ZFHX3: variants seen among roughly 807,000 people sequenced by gnomAD.
The protein encoded by ZFHX3 is zinc finger homeobox 3, also known as zinc finger homeobox protein 3.
In ZFHX3, 42 loss-of-function variants were observed where a neutral mutation model predicts 279.1. That is an observed-to-expected ratio of 0.15 (90% CI 0.12 to 0.19). ZFHX3 has a LOEUF of 0.19. Among genes scored for constraint, ZFHX3 ranks in the 10% least tolerant of loss-of-function variants. ZFHX3 has a pLI of 1.00. For missense variants in ZFHX3, 4,981 were observed against 4,754.0 expected (o/e 1.05, Z -1.40); for synonymous variants, 2,293 against 1,957.8 (o/e 1.17, Z -4.52).
At chr16:73,765,737 T>C (rs1477360718) in intron 1 of ZFHX3, among the ~76,000 whole-genome samples, 3 of 152,218 alleles carry the variant, frequency 2.0e-5, no homozygotes, top group Non-Finnish European at 4.4e-5. Flanking sequence ...TAATTTGAGT[T>C]CCACAAAAAA....
chr16:73,407,342 T>C lies in ZFHX3; in HGVS notation c.-1291+48661A>G, dbSNP rs114981582. 4.3e-3 allele frequency among the ~76,000 whole-genome samples: 657 copies of C among 152,128 alleles called. 3 individuals carry two copies. The highest frequency in any genetic ancestry group is 0.014 in the African/African-American group (587 of 41,506). On this transcript the variant is annotated intron_variant, in intron 3 of 17. Transcript: ENST00000641206. ...ATCCAAAACCGATTGCATTGGAAAA[T>C]GAGGGAAGGGCCTGAATGCTGGTTT...
intron 3 of ZFHX3, among the ~76,000 whole-genome samples, chr16:73,364,190 A>G (rs2016488003): frequency 6.6e-6 from 1 of 151,190 alleles, no homozygotes; most frequent in Admixed American, 6.6e-5. Flanking sequence ...AAAAAAAAAG[A>G]ACTTTAAGTA....
At chr16:73,384,933 G>A (rs749841116) in intron 3 of ZFHX3, among the ~76,000 whole-genome samples, 4 of 152,210 alleles carry the variant, frequency 2.6e-5, no homozygotes, top group Non-Finnish European at 5.9e-5. Flanking sequence ...GTTCAGGGGT[G>A]AACACCTGAC....
At chr16:73,323,608 C>G (rs1448184473) in intron 3 of ZFHX3, among the ~76,000 whole-genome samples, 8 of 152,140 alleles carry the variant, frequency 5.3e-5, no homozygotes. Flanking sequence ...GAGTAAATGG[C>G]AAAGTCGACT....
intron 2 of ZFHX3, among the ~76,000 whole-genome samples, chr16:73,517,550 A>C (rs183122931): frequency 1.3e-5 from 2 of 152,214 alleles, no homozygotes; most frequent in South Asian, 2.1e-4. Context: ...GAGAGCATCA[A>C]ATTTATTTGG....
intron 5 of ZFHX3, among the ~76,000 whole-genome samples, chr16:73,242,480 T>C (rs2013152365): frequency 6.6e-6 from 1 of 152,220 alleles, no homozygotes; most frequent in Admixed American, 6.5e-5. Context: ...AGTGTGAGTT[T>C]TTCGTGTCTC....
intron 1 of ZFHX3, among the ~76,000 whole-genome samples, chr16:73,877,912 T>C (rs1490561798): frequency 2.6e-5 from 4 of 152,072 alleles, no homozygotes; most frequent in Admixed American, 2.6e-4. Flanking sequence ...AAAATCCATT[T>C]TGATTCTAAT....
At chr16:73,661,632 G>A (rs189607347) in intron 2 of ZFHX3, among the ~76,000 whole-genome samples, 6 of 149,220 alleles carry the variant, frequency 4.0e-5, no homozygotes, top group Non-Finnish European at 7.4e-5. Flanking sequence ...TGAGGCAGGA[G>A]AATCACTTGA....
chr16:73,236,156 G>A (rs7500682), intron 5 of ZFHX3, among the ~76,000 whole-genome samples: 13,830 of 152,284 alleles, frequency 0.091, 1,021 homozygotes, highest in East Asian at 0.45. Flanking sequence ...CACGGCATAC[G>A]TCAAGGGAGT....
intron 3 of ZFHX3, among the ~76,000 whole-genome samples, chr16:73,435,221 T>C (rs1434860118): frequency 6.6e-6 from 1 of 152,140 alleles, no homozygotes; most frequent in East Asian, 1.9e-4. Flanking sequence ...AATTCATTCT[T>C]TTTTGAGACA....
chr16:73,483,990 A>G (rs2018925145), intron 2 of ZFHX3, among the ~76,000 whole-genome samples: 1 of 148,304 alleles, frequency 6.7e-6, no homozygotes, highest in South Asian at 2.1e-4. Context: ...CCATTTAGTA[A>G]TAAGAAAACA....
At chr16:73,076,138 G>A (rs1270347880) in intron 8 of ZFHX3, among the ~76,000 whole-genome samples, 1 of 152,168 alleles carries the variant, frequency 6.6e-6, no homozygotes. Flanking sequence ...GGTATAAAGT[G>A]TCTAGCACAA....
intron 2 of ZFHX3, among the ~76,000 whole-genome samples, chr16:73,673,323 G>A (rs1356470390): frequency 2.0e-5 from 3 of 152,056 alleles, no homozygotes; most frequent in Non-Finnish European, 2.9e-5. Flanking sequence ...TTATTATGCT[G>A]TGTAACCTAC....
chr16:73,184,353 A>C (rs1967867732), intron 5 of ZFHX3, among the ~76,000 whole-genome samples: 1 of 152,218 alleles, frequency 6.6e-6, no homozygotes, highest in Admixed American at 6.5e-5. Context: ...GTTTCATGGA[A>C]GACATTTTTG....
chr16:72,817,608 G>A (rs574341238), intron 5 of ZFHX3, among the ~76,000 whole-genome samples: 4 of 152,280 alleles, frequency 2.6e-5, no homozygotes, highest in East Asian at 1.9e-4. Context: ...TGCATCCTAC[G>A]ATGCAGACCA....
intron 1 of ZFHX3, among the ~76,000 whole-genome samples, chr16:73,740,035 G>A (rs1334019565): frequency 6.6e-6 from 1 of 152,132 alleles, no homozygotes; most frequent in Non-Finnish European, 1.5e-5. Context: ...CATTCAGGAA[G>A]GGCACAAAGT....
chr16:73,276,337 C>G (rs777246317), intron 4 of ZFHX3, among the ~76,000 whole-genome samples: 7 of 151,984 alleles, frequency 4.6e-5, no homozygotes, highest in Non-Finnish European at 8.8e-5. Context: ...GTGCACATCA[C>G]CAGACTGGCT....
Position 72,788,860 on chromosome 16 carries a change from G to A in ZFHX3, c.9428-12C>T, listed in dbSNP as rs752502478. The A allele has an allele frequency of 1.3e-6, 2 of 1,516,378 alleles. No individual in the cohort carries two copies. Among genetic ancestry groups the A allele is most frequent in the African/African-American group, 1.4e-5 (1 of 71,712 alleles). 93.9% of individuals were successfully genotyped at this position (1,516,378 alleles called of 1,614,324 possible). On this transcript the variant is annotated splice_polypyrimidine_tract_variant and intron_variant, in intron 9 of 9. Coordinates refer to ENST00000268489, the MANE Select transcript of ZFHX3 (RefSeq NM_006885.4). ...AGGAGACGTTAAAGCTGAAAGGAAT[G>A]GAGACAGAAATCACCGGTCAGTCTG...
chr16:73,523,457 C>G (rs1176164285), intron 2 of ZFHX3, among the ~76,000 whole-genome samples: 1 of 152,032 alleles, frequency 6.6e-6, no homozygotes. Context: ...GCAGGGTGGC[C>G]CTGTCCCATG....
Sources: gnomAD v4.1 joint callset for allele counts (sites outside exome capture counted in the v4.1 genomes callset) on GRCh38, gnomAD v4.1.1 for gene constraint, MANE v1.5 for transcripts, NCBI Gene and HGNC (gene_info 2026-07-23, HGNC 2026-07-21) for gene names.